The following CAMTA1 variants were observed in gnomAD, a reference collection of about 807,000 sequenced individuals.
CAMTA1 encodes calmodulin-binding transcription activator 1.
CAMTA1 carries 27 observed loss-of-function variants against 170.9 expected under a neutral mutation model. The ratio of observed to expected loss-of-function variants is 0.16; its 90% CI spans 0.12 to 0.22. The LOEUF (loss-of-function observed/expected upper bound fraction) is 0.22. Among genes scored for constraint, CAMTA1 ranks in the 10% least tolerant of loss-of-function variants. The probability of loss-of-function intolerance (pLI) is 1.00; values close to 1 mark genes in which losing one functional copy is unlikely to be tolerated. For missense variants in CAMTA1, 1,619 were observed against 2,217.2 expected (o/e 0.73, Z 5.42); for synonymous variants, 833 against 891.5 (o/e 0.93, Z 1.17).
At chr1:6,992,808 C>G (rs896705532) in intron 3 of CAMTA1, among the ~76,000 whole-genome samples, 1 of 152,350 alleles carries the variant, frequency 6.6e-6, no homozygotes, top group Non-Finnish European at 1.5e-5. Context: ...TCACCTCCCA[C>G]CAGGCCCCTC....
chr1:7,160,471 G>A (rs1046617345), intron 4 of CAMTA1, among the ~76,000 whole-genome samples: 5 of 149,948 alleles, frequency 3.3e-5, no homozygotes, highest in African/African-American at 7.4e-5. Flanking sequence ...TCTGAGCCCC[G>A]TTTTTTTTTC....
At chr1:7,684,385 A>G (rs983169357) in intron 11 of CAMTA1, among the ~76,000 whole-genome samples, 1 of 152,202 alleles carries the variant, frequency 6.6e-6, no homozygotes, top group Admixed American at 6.5e-5. Context: ...ACTGCCAGAC[A>G]AATGCCCACC....
intron 6 of CAMTA1, among the ~76,000 whole-genome samples, chr1:7,540,836 A>G (rs2094601870): frequency 6.6e-6 from 1 of 152,240 alleles, no homozygotes; most frequent in Non-Finnish European, 1.5e-5. Context: ...TAATTGACTC[A>G]ATCATAGAGG....
At chr1:7,177,435 T>C (rs1247824779) in intron 4 of CAMTA1, among the ~76,000 whole-genome samples, 4 of 107,774 alleles carry the variant, frequency 3.7e-5, no homozygotes, top group Non-Finnish European at 3.8e-5. Context: ...CACACACAAG[T>C]CCCACTCACA....
intron 4 of CAMTA1, among the ~76,000 whole-genome samples, chr1:7,228,790 C>T (rs1357556119): frequency 6.6e-6 from 1 of 152,154 alleles, no homozygotes; most frequent in Non-Finnish European, 1.5e-5. Context: ...GGGGATGAAG[C>T]TCTGGGTTTG....
intron 4 of CAMTA1, among the ~76,000 whole-genome samples, chr1:7,160,949 G>A (rs1647178858): frequency 6.6e-6 from 1 of 152,212 alleles, no homozygotes; most frequent in Non-Finnish European, 1.5e-5. Context: ...ATACCTGGAA[G>A]TCACTTCTTT....
Position 7,515,125 on chromosome 1 carries a change from TC to T in CAMTA1, c.510+47227del, listed in dbSNP as rs1299175670. The stretch of plus-strand genomic sequence containing the variant: ...GATCATCAGGCTGGTCCTCCCCGGC[TC>T]CCTCCACCTGGGATCATCAGGCTGG... On this transcript the variant is annotated intron_variant, in intron 6 of 22. Transcript: ENST00000303635. Among the ~76,000 whole-genome samples the T allele has an allele frequency of 3.6e-4, 54 of 151,062 alleles. No homozygotes were observed. In the Middle Eastern group the frequency reaches 0.021, roughly 58 times the overall value.
intron 1 of CAMTA1, 82 bp from the exon 2 acceptor site, chr1:6,820,099 C>A: frequency 1.2e-6 from 1 of 833,344 alleles, no homozygotes; most frequent in Non-Finnish European, 2.1e-6. Flanking sequence ...TCAGGTTTTG[C>A]ATCTTGGCAG....
chr1:7,495,665 A>T (rs2093814770), intron 6 of CAMTA1, among the ~76,000 whole-genome samples: 1 of 152,214 alleles, frequency 6.6e-6, no homozygotes, highest in South Asian at 2.1e-4. Flanking sequence ...GCCTTCTTCC[A>T]GGCAAAGAAG....
intron 6 of CAMTA1, among the ~76,000 whole-genome samples, chr1:7,601,495 G>A (rs1398452059): frequency 2.0e-5 from 3 of 148,500 alleles, no homozygotes; most frequent in African/African-American, 7.8e-5. Flanking sequence ...CATCCCAGAC[G>A]ATGGGCGGCC....
chr1:7,155,838 C>T (rs911981266), intron 4 of CAMTA1, among the ~76,000 whole-genome samples: 2 of 152,160 alleles, frequency 1.3e-5, no homozygotes, highest in African/African-American at 2.4e-5. Context: ...CATCTCCCTG[C>T]GTTTGCTGTG....
chr1:6,834,021 G>A (rs556765936), intron 3 of CAMTA1, among the ~76,000 whole-genome samples: 1 of 152,058 alleles, frequency 6.6e-6, no homozygotes, highest in Non-Finnish European at 1.5e-5. Context: ...GGCCTCTCTT[G>A]GGTCTTAGGT....
At chr1:6,786,222 G>C (rs1388143998) in intron 1 of CAMTA1, among the ~76,000 whole-genome samples, 3 of 151,908 alleles carry the variant, frequency 2.0e-5, no homozygotes, top group Non-Finnish European at 4.4e-5. Flanking sequence ...AGCGTCCCTC[G>C]GCCGAAGGGC....
intron 6 of CAMTA1, among the ~76,000 whole-genome samples, chr1:7,571,145 T>C (rs2095120787): frequency 6.6e-6 from 1 of 152,146 alleles, no homozygotes; most frequent in Non-Finnish European, 1.5e-5. Flanking sequence ...AAACTTTATT[T>C]CCCACAGTTA....
chr1:7,451,349 G>A (rs35854953), intron 5 of CAMTA1, among the ~76,000 whole-genome samples: 9,562 of 152,270 alleles, frequency 0.063, 411 homozygotes, highest in Middle Eastern at 0.11. Flanking sequence ...CAGCCCCCAG[G>A]CTTTACCTGG....
intron 3 of CAMTA1, among the ~76,000 whole-genome samples, chr1:6,925,061 G>T (rs976574484): frequency 2.6e-5 from 4 of 152,254 alleles, no homozygotes; most frequent in Admixed American, 2.6e-4. Context: ...AGGAGGGGCT[G>T]CTGCCAGTGA....
intron 11 of CAMTA1, among the ~76,000 whole-genome samples, chr1:7,716,086 G>A (rs1294751819): frequency 6.6e-6 from 1 of 152,168 alleles, no homozygotes; most frequent in East Asian, 1.9e-4. Flanking sequence ...GGGCTGGAGT[G>A]CAGCAGCATG....
chr1:7,529,674 A>G (rs2150034453), intron 6 of CAMTA1, among the ~76,000 whole-genome samples: 1 of 152,276 alleles, frequency 6.6e-6, no homozygotes, highest in South Asian at 2.1e-4. Flanking sequence ...GGCTGGATGT[A>G]GCTCCCAGAT....
intron 5 of CAMTA1, among the ~76,000 whole-genome samples, chr1:7,292,567 A>C (rs1257585252): frequency 6.6e-6 from 1 of 152,170 alleles, no homozygotes; most frequent in East Asian, 1.9e-4. Context: ...TAGGAATGTG[A>C]GCCCAGATGC....
Sources: allele counts gnomAD v4.1 joint callset (sites outside exome capture counted in the v4.1 genomes callset), GRCh38; gene constraint gnomAD v4.1.1; transcripts MANE v1.5; gene names NCBI Gene and HGNC (gene_info 2026-07-23, HGNC 2026-07-21).